LENG8: variants seen among roughly 807,000 people sequenced by gnomAD.
LENG8 encodes the protein leukocyte receptor cluster (LRC) member 8.
In LENG8, 28 loss-of-function variants were observed where a neutral mutation model predicts 102.1. The observed-to-expected ratio is 0.27, with a 90% CI of 0.20 to 0.38. LENG8 has a LOEUF of 0.38. Among genes scored for constraint, LENG8 ranks in the 10% least tolerant of loss-of-function variants. LENG8 has a pLI of 1.00. For synonymous variants in LENG8, 531 were observed against 456.7 expected (o/e 1.16, Z -2.07); for missense variants, 1,022 against 1,113.9 (o/e 0.92, Z 1.17).
intron 15 of LENG8, chr19:54,459,994 C>T (rs891334816): frequency 1.5e-5 from 19 of 1,241,616 alleles, no homozygotes; most frequent in African/African-American, 1.1e-4. Flanking sequence ...CCATGAGTGC[C>T]CCTCGTGGGT....
At position 54,452,083 on chromosome 19, in the gene LENG8, C is replaced by G. The variant is rs1462383043; in HGVS notation, c.39-10C>G. ...GAACAGGTGTGACTTGATGTCCTCT[C>G]TCTCTGCAGGTCTTCTCAGTACAGC... is the stretch of plus-strand genomic sequence containing the variant. On this transcript the variant is annotated splice_polypyrimidine_tract_variant and intron_variant, in intron 2 of 15. Transcript: ENST00000326764. 6.2e-7 allele frequency: 1 copy of G among 1,602,374 alleles called. No homozygotes were observed. Among genetic ancestry groups the G allele is most frequent in the East Asian group, 2.2e-5 (1 of 44,640 alleles).
At chr19:54,458,754 C>T (rs1184409547) in intron 15 of LENG8, 1 of 1,551,202 alleles carries the variant, frequency 6.4e-7, no homozygotes, top group South Asian at 1.2e-5. Flanking sequence ...CTGTTCCCAG[C>T]TCACTGCCTC....
chr19:54,460,061 G>GACCCT (rs1274146631), intron 15 of LENG8: 2 of 1,288,934 alleles, frequency 1.6e-6, no homozygotes, highest in African/African-American at 3.0e-5. Context: ...CAAGGAGGCT[G>GACCCT]ACCCTGCCCT....
At chr19:54,451,476 G>C in intron 2 of LENG8, 94 bp downstream of exon 2, 1 of 1,294,052 alleles carries the variant, frequency 7.7e-7, no homozygotes, top group Non-Finnish European at 1.1e-6. Flanking sequence ...CGTGGCCTTA[G>C]GGGAGGTGAT....
At chr19:54,451,623 G>C (rs2083965299) in intron 2 of LENG8, among the ~76,000 whole-genome samples, 1 of 152,196 alleles carries the variant, frequency 6.6e-6, no homozygotes, top group African/African-American at 2.4e-5. Flanking sequence ...GCAGAATTGT[G>C]ATGATTCATT....
At chr19:54,458,730 T>C (rs1428248387) in intron 15 of LENG8, 2 of 1,551,178 alleles carry the variant, frequency 1.3e-6, no homozygotes, top group African/African-American at 1.4e-5. Context: ...GGGTCACTCC[T>C]CTCCCTCTCC....
rs1162714702 is a variant in LENG8 at position 54,461,739 on chromosome 19, C to T, written c.*811C>T. 4 of 518,526 alleles carry T rather than the reference C, an allele frequency of 7.7e-6. No homozygotes were observed. The highest frequency in any genetic ancestry group is 1.2e-5 in the Non-Finnish European group (3 of 258,960). 32.1% of individuals were successfully genotyped at this position (518,526 alleles called of 1,614,324 possible). Reference sequence around the variant, plus strand: ...TCACCAGCTCACGTCATGTTGCCTTCTCTTTTCTTTGTGTGTGTGTTTATT... The same window carrying T: ...TCACCAGCTCACGTCATGTTGCCTTTTCTTTTCTTTGTGTGTGTGTTTATT... On this transcript the variant is annotated 3_prime_UTR_variant, in exon 16 of 16. Transcript: ENST00000326764.
chr19:54,461,863 C>G lies in LENG8; in HGVS notation c.*935C>G. 1.4e-6 allele frequency: 1 copy of G among 704,764 alleles called. No individual in the cohort carries two copies. The highest frequency in any genetic ancestry group is 2.6e-6 in the Non-Finnish European group (1 of 378,136). 43.7% of individuals were successfully genotyped at this position (704,764 alleles called of 1,614,324 possible). Reference sequence around the variant, plus strand: ...GGATGTGCTATGAGTTTGCAAACAGCTGGACTGTCAGGCTGCTTTTTTTCC... The same window carrying G: ...GGATGTGCTATGAGTTTGCAAACAGGTGGACTGTCAGGCTGCTTTTTTTCC... On this transcript the variant is annotated 3_prime_UTR_variant, in exon 16 of 16. Coordinates refer to ENST00000326764, the MANE Select transcript of LENG8 (RefSeq NM_052925.4).
In LENG8 at chr19:54,456,129, C is replaced by T. The variant is rs1455182358; in HGVS notation, c.1188C>T (p.Asn396=). The part of the protein sequence containing the change: ...GAGGAGRARG[N]SFTKFGNRNV... ...GGGGTGCCGGTCGAGCCCGGGGCAA[C>T]AGCTTCACCAAGTTTGGCAACCGCA... Residue 396 remains asparagine, a synonymous_variant, in exon 9 of 16, where the codon AAC becomes AAT. Transcript: ENST00000326764. The T allele has an allele frequency of 1.2e-6, 2 of 1,610,668 alleles. No homozygotes were observed. The highest frequency in any genetic ancestry group is 1.1e-5 in the South Asian group (1 of 90,772).
chr19:54,451,265 C>A, intron 1 of LENG8, 25 bp from the exon 2 acceptor site: 1 of 1,455,104 alleles, frequency 6.9e-7, no homozygotes, highest in African/African-American at 1.4e-5. Context: ...CCTTAAGTCT[C>A]CCTAACTCAT....
chr19:54,455,277 C>T, intron 7 of LENG8, 87 bp from the exon 8 acceptor site: 1 of 1,532,864 alleles, frequency 6.5e-7, no homozygotes. Flanking sequence ...GGACTGCGTC[C>T]CGCTGTGTCA....
At chr19:54,451,513 TG>T (rs2083959359) in intron 2 of LENG8, 131 bp downstream of exon 2, 1 of 913,476 alleles carries the variant, frequency 1.1e-6, no homozygotes. Flanking sequence ...GTGGGGGTGG[TG>T]GTGAGGCAAA....
At chr19:54,453,965 C>T (rs112442223) in intron 5 of LENG8, among the ~76,000 whole-genome samples, 6 of 152,296 alleles carry the variant, frequency 3.9e-5, no homozygotes, top group African/African-American at 1.4e-4. Context: ...CGGGCTAGTG[C>T]ACAGGAGGCA....
At position 54,454,562 on chromosome 19, in the gene LENG8, A is replaced by C. The variant is rs751624153; in HGVS notation, c.559A>C (p.Thr187Pro). The change falls in exon 6 of 16, where the codon ACA becomes CCA. Residue 187 changes from threonine to proline, a missense_variant. Coordinates refer to ENST00000326764, the MANE Select transcript of LENG8 (RefSeq NM_052925.4). ...GCTGAACAGTGGCCCTCAGCCTGGG[A>C]CAGCTCCAGCCACACAGCACAGCCA... ...HTLNSGPQPG[T>P]APATQHSQAG... 44 of 1,612,338 alleles carry C rather than the reference A, an allele frequency of 2.7e-5. No homozygotes were observed. The highest frequency in any genetic ancestry group is 4.0e-5 in the African/African-American group (3 of 74,894).
chr19:54,459,901 A>C, intron 15 of LENG8: 2 of 1,171,594 alleles, frequency 1.7e-6, no homozygotes, highest in Non-Finnish European at 2.2e-6. Context: ...GGTGGCTCTC[A>C]AGCTTCTGTG....
chr19:54,452,246 T>G lies in LENG8; in HGVS notation c.192T>G (p.Asn64Lys). The change falls in exon 3 of 16, where the codon AAT (asparagine) becomes AAG (lysine). Residue 64 changes from asparagine (N) to lysine (K), a missense_variant. This residue lies in a region of LENG8 where 343 missense variants were observed against 320.2 expected (regional missense o/e 1.07). Transcript: ENST00000326764. ...GCGGCTCTGCCAAGTCCAGCAGCAA[T>G]GGGCCTGTGGCCAGTGCACAGGTGA... ...AAGGSAKSSS[N>K]GPVASAQYVS... 6.2e-7 allele frequency: 1 copy of G among 1,612,986 alleles called. No homozygotes were observed. Among genetic ancestry groups the G allele is most frequent in the Non-Finnish European group, 8.5e-7 (1 of 1,179,512 alleles).
intron 15 of LENG8, chr19:54,459,176 T>A: frequency 8.3e-7 from 1 of 1,207,880 alleles, no homozygotes; most frequent in Non-Finnish European, 1.0e-6. Context: ...CTGGGCAATG[T>A]CAAGAGAGGT....
At chr19:54,453,445 A>C (rs2084055274) in intron 4 of LENG8, 101 bp from the exon 5 acceptor site, 2 of 739,644 alleles carry the variant, frequency 2.7e-6, no homozygotes, top group Non-Finnish European at 4.9e-6. Context: ...GAAAGGGGTG[A>C]GGGATTGGTA....
chr19:54,459,892 G>T, intron 15 of LENG8: 1 of 1,170,538 alleles, frequency 8.5e-7, no homozygotes, highest in Non-Finnish European at 1.1e-6. Context: ...CCCATGAATG[G>T]TGGCTCTCAA....
Sources: allele counts gnomAD v4.1 joint callset (sites outside exome capture counted in the v4.1 genomes callset), GRCh38; gene constraint gnomAD v4.1.1; regional missense constraint gnomAD v4.1.1; transcripts MANE v1.5; gene names NCBI Gene and HGNC (gene_info 2026-07-23, HGNC 2026-07-21).